The following ZNF335 variants were observed in gnomAD, a reference collection of about 807,000 sequenced individuals.
The protein encoded by ZNF335 is NRC-interacting factor 1.
ZNF335 carries 84 observed loss-of-function variants against 145.6 expected under a neutral mutation model. The observed-to-expected ratio is 0.58, with a 90% confidence interval of 0.48 to 0.69. The LOEUF is 0.69. ZNF335 is among the 30% of genes least tolerant of loss of function. ZNF335 has a pLI of 0.00. For synonymous variants in ZNF335, 761 were observed against 717.0 expected (o/e 1.06, Z -0.98); for missense variants, 1,865 against 1,809.7 (o/e 1.03, Z -0.55).
In ZNF335 at chr20:45,960,228, T is replaced by C. The variant is rs757257015; in HGVS notation, c.2000A>G (p.His667Arg). ...CTGACCTGTGTGCTTGACAGCCACA[T>C]GGGACAGCAAGAAGTCCTCTCGGAA... ...RTFREDFLLS[H>R]VAVKHTGAKP... The change falls in exon 14 of 28, where the codon CAT (histidine) becomes CGT (arginine). Residue 667 changes from histidine (H) to arginine (R), a missense_variant. Coordinates refer to ENST00000322927, the MANE Select transcript of ZNF335 (RefSeq NM_022095.4). 1.9e-6 allele frequency: 3 copies of C among 1,614,150 alleles called. No homozygotes were observed. Among genetic ancestry groups the C allele is most frequent in the East Asian group, 2.2e-5 (1 of 44,880 alleles).
rs570971990 is a variant in ZNF335, at chr20:45,963,886, T to C, written c.1207A>G (p.Met403Val). 1.0e-5 allele frequency: 16 copies of C among 1,604,246 alleles called. No homozygotes were observed. Among genetic ancestry groups the C allele is most frequent in the African/African-American group, 9.3e-5 (7 of 74,900 alleles). The change falls in exon 8 of 28, where the codon ATG becomes GTG. Residue 403 changes from methionine to valine, a missense_variant. By Grantham distance (21) the Met-to-Val change is conservative. Coordinates refer to ENST00000322927, the MANE Select transcript of ZNF335 (RefSeq NM_022095.4). ...SSSGPGHLVA[M>V]GKVSRTPVEA... ...ACAGGGGTCCTGCTCACCTTGCCCA[T>C]GGCCACCAGGTGTCCTGGGCCTGAG...
rs551678383 is a variant in ZNF335 at position 45,967,636 on chromosome 20, TG to T, written c.815-3del. ...CAGCTGCTGCTGCGGCTGCTGCTAC[TG>T]GAAGTGGAGGGAGGGTAAGACAAGC... On this transcript the variant is annotated splice_polypyrimidine_tract_variant and splice_region_variant and intron_variant, in intron 5 of 27. Transcript: ENST00000322927. 17,601 of 1,613,914 alleles carry T rather than the reference TG, an allele frequency of 0.011. 119 individuals carry two copies. The highest frequency in any genetic ancestry group is 0.013 in the Non-Finnish European group (15,875 of 1,179,970).
rs759668816 is a variant in ZNF335, at chr20:45,949,589, C to T, written c.3670-21G>A. On this transcript the variant is annotated intron_variant, in intron 24 of 27. Coordinates refer to ENST00000322927, the MANE Select transcript of ZNF335 (RefSeq NM_022095.4). ...TGCACCTGTTGGTGGGGGGGGCGGG[C>T]ATGGCGAGGCAGGTGCTGAGGCCCC... 1.0e-5 allele frequency: 16 copies of T among 1,596,728 alleles called. No individual in the cohort carries two copies. In the Admixed American group the frequency reaches 1.4e-4, roughly 14 times the overall value.
In ZNF335 at chr20:45,959,556, T is replaced by C. The variant is rs118064561; in HGVS notation, c.2021-123A>G. ...ACTTCCAGCGATTCATTCCCGTATG[T>C]AGGCAAACACATGCCACTGTCCATT... On this transcript the variant is annotated intron_variant, in intron 14 of 27. Transcript: ENST00000322927. 608 of 692,304 alleles carry C rather than the reference T, an allele frequency of 8.8e-4. 7 individuals carry two copies. The East Asian group carries it at 0.017, about 19-fold the overall frequency. The allele number at this position is 692,304 out of a possible 1,614,324, so 42.9% of individuals were successfully genotyped here.
At chr20:45,953,614 G>C (rs1404541993) in intron 18 of ZNF335, 75 bp downstream of exon 18, 4 of 1,575,082 alleles carry the variant, frequency 2.5e-6, no homozygotes, top group African/African-American at 1.3e-5. Flanking sequence ...AACTAGGCTT[G>C]GGTGGGGCCC....
At position 45,963,463 on chromosome 20, in the gene ZNF335, G is replaced by T. The variant is rs1009357266; in HGVS notation, c.1533+10C>A. ...CTCCCATGAGCCCCAAGCCTCTTTGGCTCCCGCACCTTGAGCGAGGACCAG... is the reference window on the plus strand; with the variant it reads ...CTCCCATGAGCCCCAAGCCTCTTTGTCTCCCGCACCTTGAGCGAGGACCAG... On this transcript the variant is annotated intron_variant, in intron 9 of 27. Coordinates refer to ENST00000322927, the MANE Select transcript of ZNF335 (RefSeq NM_022095.4). 1 of 1,606,312 alleles carries T rather than the reference G, an allele frequency of 6.2e-7. No homozygotes were observed. Among genetic ancestry groups the T allele is most frequent in the South Asian group, 1.1e-5 (1 of 90,804 alleles).
At chr20:45,964,556 T>C (rs1277203465) in intron 7 of ZNF335, 1 of 152,578 alleles carries the variant, frequency 6.6e-6, no homozygotes, top group Non-Finnish European at 1.5e-5. Flanking sequence ...ATTTAAATAT[T>C]AAATATGTAC....
At chr20:45,949,301 C>G (rs772754282) in intron 26 of ZNF335, 32 bp downstream of exon 26, 1 of 1,613,874 alleles carries the variant, frequency 6.2e-7, no homozygotes, top group African/African-American at 1.3e-5. Flanking sequence ...CCTGCCTGTG[C>G]CCCAGGTCTC....
At position 45,950,586 on chromosome 20, in the gene ZNF335, C is replaced by T; in HGVS notation, c.3199G>A (p.Ala1067Thr). The T allele has an allele frequency of 6.2e-7, 1 of 1,613,938 alleles. No homozygotes were observed. The highest frequency in any genetic ancestry group is 1.7e-5 in the Admixed American group (1 of 60,016). Residue 1067 changes from alanine to threonine, a missense_variant, in exon 21 of 28, where the codon GCA becomes ACA. Coordinates refer to ENST00000322927, the MANE Select transcript of ZNF335 (RefSeq NM_022095.4). ...TGGGGCCGTAGGCTTGAGTGCTGTG[C>T]CATGTGCGCCTGCAGAGAGGGCAGA... Reference protein sequence around the residue: ...RQWPEVRAHMAQHSSLRPHQC... With the variant: ...RQWPEVRAHMTQHSSLRPHQC...
rs149290757 is a variant in ZNF335 at position 45,968,152 on chromosome 20, G to A, written c.521-125C>T. On this transcript the variant is annotated intron_variant, in intron 4 of 27. Transcript: ENST00000322927. The stretch of plus-strand genomic sequence containing the variant: ...CAAATTCCCCACCAGAGGCCAACCC[G>A]TCAGTAGGAAAACTGAGACCCAGAG... 503 of 1,503,360 alleles carry A rather than the reference G, an allele frequency of 3.3e-4. 4 individuals carry two copies. In the South Asian group the frequency reaches 4.3e-3, roughly 13 times the overall value. 93.1% of individuals were successfully genotyped at this position (1,503,360 alleles called of 1,614,324 possible). A position where few individuals can be genotyped will look rare whatever the true frequency, so the allele number is the denominator to read the frequency against.
intron 10 of ZNF335, 33 bp downstream of exon 10, chr20:45,962,037 T>TA: frequency 9.5e-7 from 1 of 1,049,966 alleles, no homozygotes; most frequent in Non-Finnish European, 1.4e-6. Flanking sequence ...ACCTGGCCTC[T>TA]CTTGCCCAGG....
intron 20 of ZNF335, among the ~76,000 whole-genome samples, 189 bp downstream of exon 20, chr20:45,951,958 G>T (rs1236488798): frequency 6.6e-6 from 1 of 152,238 alleles, no homozygotes; most frequent in Non-Finnish European, 1.5e-5. Context: ...TAGTCACGTT[G>T]TGTGTGGTTT....
At chr20:45,967,179 G>A in intron 6 of ZNF335, 1 of 337,126 alleles carries the variant, frequency 3.0e-6, no homozygotes, top group Non-Finnish European at 5.7e-6. Context: ...GGAATTCAAG[G>A]TAACAGTGAG....
At chr20:45,964,751 A>G (rs1277784829) in intron 7 of ZNF335, among the ~76,000 whole-genome samples, 2 of 152,042 alleles carry the variant, frequency 1.3e-5, no homozygotes, top group Admixed American at 1.3e-4. Flanking sequence ...TAAAGAATAC[A>G]ATAGGCCAAG....
rs1221132687 is a variant in ZNF335 at position 45,962,097 on chromosome 20, C to T, written c.1619G>A (p.Arg540Gln). ...YTSVYRKDVI[R>Q]HAAVHSRDRK... ...GTCCCGGCTGTGCACAGCGGCGTGC[C>T]GAATGACGTCCTTCCGGTAGACACT... Residue 540 changes from arginine (R) to glutamine (Q), a missense_variant, in exon 10 of 28, where the codon CGG becomes CAG. Transcript: ENST00000322927. 9 of 1,613,736 alleles carry T rather than the reference C, an allele frequency of 5.6e-6. No homozygotes were observed. Among genetic ancestry groups the T allele is most frequent in the African/African-American group, 4.0e-5 (3 of 74,882 alleles).
At position 45,949,816 on chromosome 20, in the gene ZNF335, A is replaced by G; in HGVS notation, c.3653T>C (p.Val1218Ala). ...GTAGCTCACCTGGTTGTCGGAGGTC[A>G]CCAGGTGCTGTACGGTCTGGCCATC... The part of the protein sequence containing the change: ...TADGQTVQHL[V>A]TSDNQVQYII... The change falls in exon 24 of 28, where the codon GTG becomes GCG. Residue 1218 changes from valine (V) to alanine (A), a missense_variant. Physicochemically the swap from Val to Ala is moderately conservative, Grantham distance 64. Transcript: ENST00000322927. 6.2e-7 allele frequency: 1 copy of G among 1,614,126 alleles called. No homozygotes were observed. Among genetic ancestry groups the G allele is most frequent in the Non-Finnish European group, 8.5e-7 (1 of 1,180,006 alleles).
intron 14 of ZNF335, 132 bp downstream of exon 14, chr20:45,960,076 C>T (rs937930982): frequency 3.7e-6 from 4 of 1,072,404 alleles, no homozygotes; most frequent in Non-Finnish European, 5.2e-6. Flanking sequence ...ATTCTCTTTA[C>T]ACTTGAAGGA....
At chr20:45,971,642 T>C (rs1369641204) in intron 1 of ZNF335, 182 bp from the exon 2 acceptor site, 1 of 985,368 alleles carries the variant, frequency 1.0e-6, no homozygotes, top group Non-Finnish European at 1.2e-6. Context: ...GAAGCTGTGC[T>C]TCCCAGGCTA....
At position 45,952,442 on chromosome 20, in the gene ZNF335, C is replaced by G; in HGVS notation, c.2894G>C (p.Gly965Ala). 4.5e-6 allele frequency: 7 copies of G among 1,568,696 alleles called. No homozygotes were observed. The highest frequency in any genetic ancestry group is 3.5e-6 in the Non-Finnish European group (4 of 1,154,360). Residue 965 changes from glycine (G) to alanine (A), a missense_variant, in exon 20 of 28, where the codon GGG (glycine) becomes GCG (alanine). By Grantham distance (60) the Gly-to-Ala change is moderately conservative. Coordinates refer to ENST00000322927, the MANE Select transcript of ZNF335 (RefSeq NM_022095.4). ...SGAKWPLLQC[G>A]GLPRDGPEPP... is the part of the protein sequence containing the mutation. ...CTCAGGGCCGTCTCTGGGCAGTCCC[C>G]CACACTGCAGCAGGGGCCATTTGGC... is the stretch of plus-strand genomic sequence containing the variant.
Sources: allele counts gnomAD v4.1 joint callset (sites outside exome capture counted in the v4.1 genomes callset), GRCh38; gene constraint gnomAD v4.1.1; transcripts MANE v1.5; gene names NCBI Gene and HGNC (gene_info 2026-07-23, HGNC 2026-07-21).